Variants in COP1 observed in about 807,000 individuals in gnomAD.
COP1 encodes the protein COP1 E3 ubiquitin ligase.
Under a neutral mutation model 101.3 loss-of-function variants are expected in COP1, and 24 were observed. That is an observed-to-expected ratio of 0.24 (90% CI 0.17 to 0.33). COP1 has a LOEUF of 0.33. COP1 is among the 10% of genes least tolerant of loss of function. The probability of loss-of-function intolerance (pLI) is 1.00; values close to 1 mark genes in which losing one functional copy is unlikely to be tolerated. For synonymous variants in COP1, 347 were observed against 341.9 expected, an observed-to-expected ratio of 1.01 and a Z score of -0.17; for missense variants, 663 against 906.2, an observed-to-expected ratio of 0.73 and a Z score of 3.45.
chr1:176,086,531 T>C (rs1680206950), intron 9 of COP1, among the ~76,000 whole-genome samples: 1 of 152,080 alleles, frequency 6.6e-6, no homozygotes, highest in African/African-American at 2.4e-5. Flanking sequence ...TGGCCTGATT[T>C]TGGGAATCTT....
intron 5 of COP1, among the ~76,000 whole-genome samples, chr1:176,153,714 G>C (rs56943475): frequency 0.042 from 6,341 of 152,202 alleles, 155 homozygotes; most frequent in Non-Finnish European, 0.047. Flanking sequence ...TAATGATGTT[G>C]GCTGTGGGTT....
intron 15 of COP1, among the ~76,000 whole-genome samples, chr1:175,993,085 C>T (rs1047398928): frequency 2.6e-4 from 40 of 152,256 alleles, no homozygotes; most frequent in African/African-American, 7.7e-4. Flanking sequence ...TTGCGGTTCA[C>T]GAAAAGCCGC....
chr1:176,202,018 G>T (rs1282386267), intron 1 of COP1, among the ~76,000 whole-genome samples: 1 of 151,896 alleles, frequency 6.6e-6, no homozygotes, highest in Non-Finnish European at 1.5e-5. Flanking sequence ...AAAAAGAAAA[G>T]TCACTTAAAC....
intron 5 of COP1, among the ~76,000 whole-genome samples, chr1:176,157,249 A>C (rs1693613406): frequency 6.6e-6 from 1 of 152,182 alleles, no homozygotes; most frequent in African/African-American, 2.4e-5. Context: ...ACATAATCAT[A>C]TTTATAAAGA....
At chr1:176,069,308 C>A (rs549613379) in intron 11 of COP1, among the ~76,000 whole-genome samples, 1 of 152,056 alleles carries the variant, frequency 6.6e-6, no homozygotes, top group South Asian at 2.1e-4. Flanking sequence ...AAATCAAGCA[C>A]AGAAAGAATA....
At chr1:176,174,007 A>AAAAAAAAAGAG (rs1456552067) in intron 3 of COP1, among the ~76,000 whole-genome samples, 16 of 121,930 alleles carry the variant, frequency 1.3e-4, no homozygotes, top group Admixed American at 1.9e-4. Flanking sequence ...AAAAAAAAAA[A>AAAAAAAAAGAG]AGAGAATATA....
intron 15 of COP1, among the ~76,000 whole-genome samples, chr1:176,013,809 A>G (rs935966112): frequency 1.3e-5 from 2 of 152,220 alleles, no homozygotes; most frequent in Admixed American, 1.3e-4. Context: ...TTAAAATTCC[A>G]GACTTATTTA....
chr1:176,112,511 A>G (rs186522451), intron 9 of COP1, among the ~76,000 whole-genome samples: 80 of 152,310 alleles, frequency 5.3e-4, no homozygotes, highest in African/African-American at 1.9e-3. Flanking sequence ...GTAATAATCA[A>G]TTAGGGTAAC....
At chr1:176,105,789 T>C (rs1403146508) in intron 9 of COP1, among the ~76,000 whole-genome samples, 1 of 152,186 alleles carries the variant, frequency 6.6e-6, no homozygotes, top group African/African-American at 2.4e-5. Flanking sequence ...AATAATTGAA[T>C]TCATGATTTT....
chr1:176,180,327 A>C (rs1262631447), intron 2 of COP1, among the ~76,000 whole-genome samples: 1 of 152,212 alleles, frequency 6.6e-6, no homozygotes, highest in African/African-American at 2.4e-5. Context: ...ACAAATTTTC[A>C]GTATTTCTTA....
intron 15 of COP1, chr1:176,018,283 G>C (rs1278836805): frequency 2.6e-5 from 4 of 152,162 alleles, no homozygotes; most frequent in African/African-American, 9.7e-5. Context: ...AACCACAATT[G>C]TCAGTAATTT....
At chr1:176,206,232 T>C (rs910828843) in intron 1 of COP1, 16 of 294,980 alleles carry the variant, frequency 5.4e-5, no homozygotes, top group Non-Finnish European at 8.3e-5. Context: ...AGGCAAAAAT[T>C]TTAAGACTCA....
At chr1:176,003,510 C>G (rs1248030994) in intron 15 of COP1, among the ~76,000 whole-genome samples, 1 of 151,480 alleles carries the variant, frequency 6.6e-6, no homozygotes, top group Non-Finnish European at 1.5e-5. Context: ...TTTAATCCAT[C>G]TTGAATTGAT....
At chr1:176,169,847 G>A (rs532364739) in intron 3 of COP1, among the ~76,000 whole-genome samples, 1 of 152,324 alleles carries the variant, frequency 6.6e-6, no homozygotes, top group South Asian at 2.1e-4. Context: ...AATGTTACAT[G>A]ATAGCATCTT....
At chr1:176,134,449 G>A (rs1435292440) in intron 8 of COP1, among the ~76,000 whole-genome samples, 2 of 151,872 alleles carry the variant, frequency 1.3e-5, no homozygotes, top group African/African-American at 4.8e-5. Flanking sequence ...ATGAAACCAG[G>A]CTTTATTCTA....
chr1:176,016,113 T>A (rs1174146738), intron 15 of COP1, among the ~76,000 whole-genome samples: 1 of 152,114 alleles, frequency 6.6e-6, no homozygotes, highest in Non-Finnish European at 1.5e-5. Context: ...AATACTGAGG[T>A]AGGAATTTCC....
chr1:176,102,599 A>C lies in COP1; in HGVS notation c.1026+14025T>G, dbSNP rs114677160. Among the ~76,000 whole-genome samples, 399 of 152,312 alleles carry C rather than the reference A, an allele frequency of 2.6e-3. 1 individual carries two copies. Among genetic ancestry groups the C allele is most frequent in the African/African-American group, 8.6e-3 (358 of 41,576 alleles). ...AAGAACTTACTTTACAGCTTAAAAA[A>C]CATGAAAACAGCCCTTTCCTTTCCC... On this transcript the variant is annotated intron_variant, in intron 9 of 19. Transcript: ENST00000367669.
rs559264962 is a variant in COP1, at chr1:176,115,617, C to T, written c.1026+1007G>A. On this transcript the variant is annotated intron_variant, in intron 9 of 19. Transcript: ENST00000367669. The stretch of plus-strand genomic sequence containing the variant: ...CAAAAAAATTAGCTGGGCGTGGTGG[C>T]GCGTGCCTGTAGTCCCGACTACTTG... Among the ~76,000 whole-genome samples the T allele has an allele frequency of 7.3e-5, 11 of 151,614 alleles. No homozygotes were observed. The East Asian group carries it at 1.4e-3, about 19-fold the overall frequency.
rs554141120 is a variant in COP1 at position 176,203,401 on chromosome 1, T to G, written c.407+3171A>C. On this transcript the variant is annotated intron_variant, in intron 1 of 19. Transcript: ENST00000367669. ...TACTATCTACATGCAAACGTATACT[T>G]CTGCTGCAAGAATGGCTGGGACTTG... is the stretch of plus-strand genomic sequence containing the variant. Among the ~76,000 whole-genome samples the G allele has an allele frequency of 1.1e-4, 16 of 152,330 alleles. No homozygotes were observed. The South Asian group carries it at 2.9e-3, about 28-fold the overall frequency.
Sources: allele counts gnomAD v4.1 joint callset (sites outside exome capture counted in the v4.1 genomes callset), GRCh38; gene constraint gnomAD v4.1.1; transcripts MANE v1.5; gene names NCBI Gene and HGNC (gene_info 2026-07-23, HGNC 2026-07-21).